DRC11: variants seen among roughly 807,000 people sequenced by gnomAD.
DRC11 encodes dynein regulatory complex subunit 11.
the DRC11 span, among the ~76,000 whole-genome samples, chr2:236,457,026 C>T: frequency 6.6e-6 from 1 of 152,190 alleles, no homozygotes; most frequent in Admixed American, 6.5e-5. This position sits in a 1 kb window ranked among gnomAD's most constrained non-coding sequence, Gnocchi z 4.7. Context: ...CTTCAGGCTT[C>T]TCTGTTATCA....
the DRC11 span, among the ~76,000 whole-genome samples, chr2:236,481,930 T>C: frequency 6.7e-6 from 1 of 148,916 alleles, no homozygotes; most frequent in Non-Finnish European, 1.5e-5. Flanking sequence ...ATATTATATG[T>C]ATAATTCTAT....
chr2:236,368,278 T>C, the DRC11 span: 3 of 1,603,036 alleles, frequency 1.9e-6, no homozygotes, highest in Non-Finnish European at 2.6e-6. Context: ...TGGCGAAGAG[T>C]AGTCCCCAGG....
At chr2:236,345,120 G>A in the DRC11 span, among the ~76,000 whole-genome samples, 1 of 144,484 alleles carries the variant, frequency 6.9e-6, no homozygotes, top group Non-Finnish European at 1.5e-5. Context: ...CTTCCCTCTG[G>A]GGTGTGCAGA....
chr2:236,325,640 T>C, the DRC11 span, among the ~76,000 whole-genome samples: 1 of 151,890 alleles, frequency 6.6e-6, no homozygotes. This position sits in a 1 kb window ranked among gnomAD's most constrained non-coding sequence, Gnocchi z 4.4. Flanking sequence ...TCTCACTCTG[T>C]AGCCGAGGCT....
chr2:236,485,265 T>TAA, the DRC11 span, among the ~76,000 whole-genome samples: 1 of 151,936 alleles, frequency 6.6e-6, no homozygotes, highest in East Asian at 1.9e-4. Context: ...TATATATATA[T>TAA]AATATACATC....
At chr2:236,392,699 C>A in the DRC11 span, among the ~76,000 whole-genome samples, 1 of 152,108 alleles carries the variant, frequency 6.6e-6, no homozygotes, top group Non-Finnish European at 1.5e-5. This position sits in a 1 kb window ranked among gnomAD's most constrained non-coding sequence, Gnocchi z 5.1. Context: ...TCACAGATGA[C>A]CTTTTTTGTA....
chr2:236,339,726 A>G, the DRC11 span, among the ~76,000 whole-genome samples: 15 of 152,334 alleles, frequency 9.8e-5, no homozygotes, highest in African/African-American at 3.4e-4. Flanking sequence ...GTAAGGCTTT[A>G]TTACTGGATT....
At chr2:236,335,930 T>A in the DRC11 span, among the ~76,000 whole-genome samples, 1 of 151,860 alleles carries the variant, frequency 6.6e-6, no homozygotes, top group South Asian at 2.1e-4. The surrounding 1 kb of genome is among the most constrained non-coding windows in gnomAD (Gnocchi z 5.6). Flanking sequence ...TCATCCATGT[T>A]TCTCATTCTG....
At chr2:236,459,534 C>T in the DRC11 span, among the ~76,000 whole-genome samples, 2,298 of 69,878 alleles carry the variant, frequency 0.033, 36 homozygotes, top group Non-Finnish European at 0.049. Flanking sequence ...TACATGTATA[C>T]GTATACGTAT....
the DRC11 span, among the ~76,000 whole-genome samples, chr2:236,406,263 C>T: frequency 3.9e-5 from 6 of 152,162 alleles, no homozygotes; most frequent in Admixed American, 1.3e-4. The surrounding 1 kb of genome is among the most constrained non-coding windows in gnomAD (Gnocchi z 4.7). Flanking sequence ...CTTCTTCTTG[C>T]CCTCCCCAAA....
the DRC11 span, among the ~76,000 whole-genome samples, chr2:236,415,584 T>C: frequency 2.6e-5 from 4 of 152,186 alleles, no homozygotes; most frequent in Non-Finnish European, 5.9e-5. The surrounding 1 kb of genome is among the most constrained non-coding windows in gnomAD (Gnocchi z 5.7). Flanking sequence ...AATAATCACA[T>C]TGTCACTATG....
the DRC11 span, chr2:236,408,911 G>A: frequency 3.5e-4 from 236 of 665,380 alleles, 4 homozygotes; most frequent in South Asian, 3.4e-3. The surrounding 1 kb of genome is among the most constrained non-coding windows in gnomAD (Gnocchi z 5.5). Flanking sequence ...CTTCTTGCAC[G>A]ATGTGGGTCA....
chr2:236,392,900 C>T, the DRC11 span, among the ~76,000 whole-genome samples: 1 of 152,188 alleles, frequency 6.6e-6, no homozygotes, highest in Non-Finnish European at 1.5e-5. This position sits in a 1 kb window ranked among gnomAD's most constrained non-coding sequence, Gnocchi z 5.1. Flanking sequence ...TTTTTGAAAT[C>T]ACACATATTT....
At chr2:236,342,083 C>CG in the DRC11 span, among the ~76,000 whole-genome samples, 29 of 152,072 alleles carry the variant, frequency 1.9e-4, no homozygotes, top group Non-Finnish European at 3.4e-4. This position sits in a 1 kb window ranked among gnomAD's most constrained non-coding sequence, Gnocchi z 5.8. Flanking sequence ...CCTCTTATTG[C>CG]GGGAGGGGCC....
the DRC11 span, among the ~76,000 whole-genome samples, chr2:236,363,453 C>G: frequency 2.6e-5 from 4 of 152,232 alleles, no homozygotes; most frequent in African/African-American, 9.6e-5. The surrounding 1 kb of genome is among the most constrained non-coding windows in gnomAD (Gnocchi z 5.6). Flanking sequence ...GCAAATATCT[C>G]TACCTGATGC....
the DRC11 span, among the ~76,000 whole-genome samples, chr2:236,397,530 C>T: frequency 1.1e-3 from 171 of 152,324 alleles, 1 homozygote; most frequent in African/African-American, 2.7e-3. This position sits in a 1 kb window ranked among gnomAD's most constrained non-coding sequence, Gnocchi z 5.0. Context: ...GCAGCTGAGA[C>T]GGAGGGCTCC....
chr2:236,394,138 C>T, the DRC11 span, among the ~76,000 whole-genome samples: 3 of 152,056 alleles, frequency 2.0e-5, no homozygotes, highest in African/African-American at 7.2e-5. This position sits in a 1 kb window ranked among gnomAD's most constrained non-coding sequence, Gnocchi z 7.0. Context: ...CACTCTGTAC[C>T]CCTCGAGGGG....
the DRC11 span, among the ~76,000 whole-genome samples, chr2:236,319,170 C>T: frequency 1.4e-3 from 209 of 152,312 alleles, 1 homozygote; most frequent in African/African-American, 4.9e-3. The surrounding 1 kb of genome is among the most constrained non-coding windows in gnomAD (Gnocchi z 6.7). Flanking sequence ...TACAGCCTGC[C>T]CCATGGCACT....
the DRC11 span, among the ~76,000 whole-genome samples, chr2:236,405,147 G>A: frequency 6.6e-6 from 1 of 152,114 alleles, no homozygotes; most frequent in Admixed American, 6.5e-5. This position sits in a 1 kb window ranked among gnomAD's most constrained non-coding sequence, Gnocchi z 4.6. Flanking sequence ...CCCAACAAAT[G>A]TAAATTTCTT....
Sources: allele counts gnomAD v4.1 joint callset (sites outside exome capture counted in the v4.1 genomes callset), GRCh38; gene constraint gnomAD v4.1.1; non-coding constraint Gnocchi (gnomAD v3.1); transcripts MANE v1.5; gene names NCBI Gene and HGNC (gene_info 2026-07-23, HGNC 2026-07-21).